The following CCSER1 variants were observed in gnomAD, a reference collection of about 807,000 sequenced individuals.
CCSER1 encodes the protein serine-rich coiled-coil domain-containing protein 1.
In CCSER1, 41 loss-of-function variants were observed where a neutral mutation model predicts 82.0. The ratio of observed to expected loss-of-function variants is 0.50; its 90% CI spans 0.39 to 0.65. The LOEUF (loss-of-function observed/expected upper bound fraction) is 0.65. Among genes scored for constraint, CCSER1 ranks in the 30% least tolerant of loss-of-function variants. The pLI, the probability that CCSER1 is intolerant of heterozygous loss-of-function variation, is 0.00. For synonymous variants in CCSER1, 414 were observed against 383.9 expected (o/e 1.08, Z -0.92); for missense variants, 1,119 against 1,064.2 (o/e 1.05, Z -0.72).
chr4:90,472,780 G>T (rs1383413751), intron 5 of CCSER1, among the ~76,000 whole-genome samples: 1 of 152,106 alleles, frequency 6.6e-6, no homozygotes, highest in African/African-American at 2.4e-5. Flanking sequence ...AAAGCTTTGA[G>T]AGTGACTGTT....
At chr4:91,407,911 G>A (rs926921601) in intron 10 of CCSER1, among the ~76,000 whole-genome samples, 1 of 152,152 alleles carries the variant, frequency 6.6e-6, no homozygotes. Context: ...CTCTTCTGTG[G>A]AGCTAGAGGG....
intron 10 of CCSER1, among the ~76,000 whole-genome samples, chr4:91,448,508 C>T (rs772282525): frequency 6.6e-6 from 1 of 152,022 alleles, no homozygotes; most frequent in Non-Finnish European, 1.5e-5. Flanking sequence ...AATCCTAACT[C>T]ATTCAGTGTG....
rs918734923 is a variant in CCSER1, at chr4:90,406,582, G to A, written c.1603+6453G>A. 4.7e-5 allele frequency among the ~76,000 whole-genome samples: 7 copies of A among 149,074 alleles called. No individual in the cohort carries two copies. In the South Asian group the frequency reaches 8.4e-4, roughly 18 times the overall value. On this transcript the variant is annotated intron_variant, in intron 4 of 10. Transcript: ENST00000509176. ...TGTTGTATTCATCAGCACATGGAAC[G>A]TTCTCCAAGACCATAAGACAGGCCA... is the stretch of plus-strand genomic sequence containing the variant.
At chr4:90,376,285 G>A (rs10516869) in intron 3 of CCSER1, among the ~76,000 whole-genome samples, 7,247 of 152,194 alleles carry the variant, frequency 0.048, 254 homozygotes, top group East Asian at 0.18. Context: ...TCACTAATCT[G>A]AAAAGGCAGT....
intron 9 of CCSER1, among the ~76,000 whole-genome samples, chr4:90,972,448 T>C (rs543645690): frequency 6.6e-6 from 1 of 151,778 alleles, no homozygotes; most frequent in Non-Finnish European, 1.5e-5. Flanking sequence ...TAAAAAAAAC[T>C]TAAGAATAAA....
At chr4:90,221,028 G>T (rs1198042318) in intron 1 of CCSER1, among the ~76,000 whole-genome samples, 1 of 151,942 alleles carries the variant, frequency 6.6e-6, no homozygotes, top group Non-Finnish European at 1.5e-5. Context: ...ATATAAATGG[G>T]AATTGATTTT....
At chr4:90,533,341 C>G (rs1234325465) in intron 5 of CCSER1, among the ~76,000 whole-genome samples, 2 of 152,162 alleles carry the variant, frequency 1.3e-5, no homozygotes, top group Non-Finnish European at 2.9e-5. Context: ...GTAACCCGCC[C>G]GCCTTGGCCT....
At chr4:91,039,571 A>G (rs60112822) in intron 9 of CCSER1, among the ~76,000 whole-genome samples, 61 of 152,130 alleles carry the variant, frequency 4.0e-4, no homozygotes, top group East Asian at 3.1e-3. Flanking sequence ...CTGGTCCCTT[A>G]TTTTTGACAA....
At chr4:91,271,198 A>G (rs1420966440) in intron 10 of CCSER1, among the ~76,000 whole-genome samples, 16 of 152,212 alleles carry the variant, frequency 1.1e-4, no homozygotes, top group Non-Finnish European at 2.4e-4. Context: ...CTTTGTCATC[A>G]TATCTCCTTA....
At chr4:90,492,663 T>G (rs1412202598) in intron 5 of CCSER1, among the ~76,000 whole-genome samples, 1 of 152,230 alleles carries the variant, frequency 6.6e-6, no homozygotes, top group East Asian at 1.9e-4. Context: ...TTTAGTGCTA[T>G]AAGTTTCCCT....
intron 5 of CCSER1, among the ~76,000 whole-genome samples, chr4:90,470,762 C>CAAAAAAAAAAAAAA (rs754754971): frequency 2.8e-5 from 2 of 71,252 alleles, no homozygotes; most frequent in African/African-American, 5.2e-5. Flanking sequence ...TTAATCAAAG[C>CAAAAAAAAAAAAAA]AAAAAAAAAA....
At chr4:91,168,360 C>T (rs1482309342) in intron 10 of CCSER1, among the ~76,000 whole-genome samples, 1 of 148,766 alleles carries the variant, frequency 6.7e-6, no homozygotes, top group Non-Finnish European at 1.5e-5. Flanking sequence ...CGCCTCTGCC[C>T]AGCCACCCCA....
intron 10 of CCSER1, among the ~76,000 whole-genome samples, chr4:91,237,123 A>C (rs541263755): frequency 1.3e-5 from 2 of 151,286 alleles, no homozygotes; most frequent in Non-Finnish European, 2.9e-5. Context: ...TATTTATACA[A>C]TCAATCATCT....
At chr4:90,279,677 G>A (rs1226878729) in intron 1 of CCSER1, among the ~76,000 whole-genome samples, 1 of 151,886 alleles carries the variant, frequency 6.6e-6, no homozygotes, top group Non-Finnish European at 1.5e-5. Context: ...TAAAAGAAAT[G>A]GTCTAGTATC....
At chr4:90,200,571 G>A (rs1344583320) in intron 1 of CCSER1, among the ~76,000 whole-genome samples, 3 of 151,964 alleles carry the variant, frequency 2.0e-5, no homozygotes, top group Non-Finnish European at 4.4e-5. Context: ...ATGAAGTTAT[G>A]GTAATTCCTT....
At chr4:90,909,417 A>G (rs1003349568) in intron 8 of CCSER1, among the ~76,000 whole-genome samples, 1 of 152,122 alleles carries the variant, frequency 6.6e-6, no homozygotes, top group South Asian at 2.1e-4. Flanking sequence ...GCACACATCT[A>G]TACTTCACTC....
intron 10 of CCSER1, among the ~76,000 whole-genome samples, chr4:91,234,629 A>G (rs1304139613): frequency 6.6e-6 from 1 of 152,104 alleles, no homozygotes; most frequent in African/African-American, 2.4e-5. Flanking sequence ...ACTTTTTGCC[A>G]TTTATAGTCC....
At chr4:90,628,454 TA>T (rs1177465089) in intron 6 of CCSER1, among the ~76,000 whole-genome samples, 1 of 152,162 alleles carries the variant, frequency 6.6e-6, no homozygotes, top group African/African-American at 2.4e-5. Flanking sequence ...ACGAAATACT[TA>T]AAAAAGAATA....
At chr4:90,781,629 T>A (rs78561056) in intron 7 of CCSER1, 40 of 973,998 alleles carry the variant, frequency 4.1e-5, no homozygotes, top group Non-Finnish European at 4.9e-5. Context: ...ATACTTTTTT[T>A]CTGTGTTCTC....
Sources: gnomAD v4.1 joint callset for allele counts (sites outside exome capture counted in the v4.1 genomes callset) on GRCh38, gnomAD v4.1.1 for gene constraint, MANE v1.5 for transcripts, NCBI Gene and HGNC (gene_info 2026-07-23, HGNC 2026-07-21) for gene names.